Variants in TLL1 observed in about 807,000 individuals in gnomAD.
TLL1 encodes the protein tolloid like 1, also known as tolloid-like protein 1.
A neutral mutation model predicts 128.2 loss-of-function variants in TLL1; 49 were observed. That is an observed-to-expected ratio of 0.38 (90% CI 0.30 to 0.48). The LOEUF (loss-of-function observed/expected upper bound fraction) is 0.48, where lower values mean the gene tolerates loss of function less well. Ranked by LOEUF, TLL1 falls within the 20% of genes least tolerant of loss-of-function variation. The probability of loss-of-function intolerance (pLI) is 0.96; values close to 1 mark genes in which losing one functional copy is unlikely to be tolerated. For synonymous variants in TLL1, 454 were observed against 418.8 expected, an observed-to-expected ratio of 1.08 and a Z score of -1.03; for missense variants, 1,123 against 1,242.0, an observed-to-expected ratio of 0.90 and a Z score of 1.44.
chr4:166,033,396 C>A (rs1213928465), intron 9 of TLL1, among the ~76,000 whole-genome samples: 1 of 152,042 alleles, frequency 6.6e-6, no homozygotes, highest in African/African-American at 2.4e-5. Flanking sequence ...AAATTATGTA[C>A]ATTAGAGACA....
chr4:165,924,855 A>G (rs1391140125), intron 1 of TLL1, among the ~76,000 whole-genome samples: 1 of 152,160 alleles, frequency 6.6e-6, no homozygotes, highest in East Asian at 1.9e-4. Context: ...ACGCTTATTT[A>G]CCATTCTGAA....
At chr4:166,087,253 C>T (rs2111153104) in intron 18 of TLL1, among the ~76,000 whole-genome samples, 1 of 152,166 alleles carries the variant, frequency 6.6e-6, no homozygotes, top group Admixed American at 6.5e-5. Context: ...TGCTATATAA[C>T]ATACAGTTAC....
At chr4:165,973,113 A>C (rs1735703316) in intron 1 of TLL1, among the ~76,000 whole-genome samples, 1 of 152,084 alleles carries the variant, frequency 6.6e-6, no homozygotes, top group Admixed American at 6.6e-5. Flanking sequence ...ATATATGTAT[A>C]TATGAAAGGG....
rs139965895 is a variant in TLL1 at position 165,959,906 on chromosome 4, A to G, written c.170-29475A>G. Among the ~76,000 whole-genome samples the G allele has an allele frequency of 8.7e-3, 1,324 of 152,262 alleles. 12 individuals carry two copies. Among genetic ancestry groups the G allele is most frequent in the Middle Eastern group, 0.021 (6 of 292 alleles). ...AAGAAATTAGAAATATCTCAAATTA[A>G]TGATCAAATATCACACCAAAGGAAC... On this transcript the variant is annotated intron_variant, in intron 1 of 20. Transcript: ENST00000061240.
In TLL1 at chr4:165,902,572, C is replaced by T. The variant is rs942496015; in HGVS notation, c.169+28499C>T. On this transcript the variant is annotated intron_variant, in intron 1 of 20. Transcript: ENST00000061240. ...TCCTTCTGCTTCCTGGGTGAGGCGA[C>T]GCCCCACCCTGCTTTGGCTTGCCTT... 1.2e-4 allele frequency among the ~76,000 whole-genome samples: 19 copies of T among 152,238 alleles called. 2 individuals are homozygous for T. The highest frequency in any genetic ancestry group is 5.8e-4 in the East Asian group (3 of 5,160).
chr4:165,982,505 A>T (rs1366570287), intron 1 of TLL1, among the ~76,000 whole-genome samples: 1 of 151,840 alleles, frequency 6.6e-6, no homozygotes, highest in Non-Finnish European at 1.5e-5. Context: ...ATGTTGTTTT[A>T]TGGCTGTGCA....
rs1741759564 is a variant in TLL1, at chr4:166,091,190, T to C, written c.2505T>C (p.Phe835=). 6.2e-7 allele frequency: 1 copy of C among 1,613,254 alleles called. No individual in the cohort carries two copies. The highest frequency in any genetic ancestry group is 1.3e-5 in the African/African-American group (1 of 74,996). Residue 835 remains phenylalanine (F), a synonymous_variant, in exon 19 of 21, where the codon TTT becomes TTC. Transcript: ENST00000061240. The stretch of plus-strand genomic sequence containing the variant: ...GTGCTTATGACCACTTAGAAGTATT[T>C]GATGGAGAAACAGAAAAGTCACCGA... The part of the protein sequence containing the change: ...QECAYDHLEV[F]DGETEKSPIL...
Position 166,101,493 on chromosome 4 carries a change from A to G in TLL1, c.*617A>G, listed in dbSNP as rs1201807868. 1 of 153,834 alleles carries G rather than the reference A, an allele frequency of 6.5e-6. No homozygotes were observed. Among genetic ancestry groups the G allele is most frequent in the Non-Finnish European group, 1.4e-5 (1 of 69,278 alleles). The allele number at this position is 153,834 out of a possible 1,614,324, so 9.5% of individuals were successfully genotyped here. On this transcript the variant is annotated 3_prime_UTR_variant, in exon 21 of 21. Transcript: ENST00000061240. The stretch of plus-strand genomic sequence containing the variant: ...CCTCTGAAACACAAATGATCTTGAG[A>G]CCACTTTAGTGTACTTACATTTAGA...
intron 19 of TLL1, among the ~76,000 whole-genome samples, chr4:166,097,433 G>A (rs1471740459): frequency 1.3e-5 from 2 of 152,078 alleles, no homozygotes; most frequent in African/African-American, 2.4e-5. Context: ...GGAAGATGGA[G>A]GGACATTTAC....
chr4:166,074,425 T>C (rs1740928175), intron 16 of TLL1, among the ~76,000 whole-genome samples: 1 of 151,920 alleles, frequency 6.6e-6, no homozygotes, highest in Non-Finnish European at 1.5e-5. Context: ...CTTGGAACCT[T>C]GTTTAGCCTC....
intron 2 of TLL1, among the ~76,000 whole-genome samples, chr4:165,989,828 A>C (rs1368007741): frequency 6.6e-6 from 1 of 151,840 alleles, no homozygotes; most frequent in Non-Finnish European, 1.5e-5. Flanking sequence ...TTAGAAGGCT[A>C]TACAGCTTTC....
chr4:166,031,018 T>C lies in TLL1; in HGVS notation c.1158+5587T>C, dbSNP rs897817512. 7 of 924,922 alleles carry C rather than the reference T, an allele frequency of 7.6e-6. No homozygotes were observed. The African/African-American group carries it at 1.3e-4, about 17-fold the overall frequency. The allele number at this position is 924,922 out of a possible 1,614,324, so 57.3% of individuals were successfully genotyped here. A position where few individuals can be genotyped will look rare whatever the true frequency, so the allele number is the denominator to read the frequency against. On this transcript the variant is annotated intron_variant, in intron 9 of 20. Transcript: ENST00000061240. ...GCACATTAAAGTTATCAAAAGTGAT[T>C]TAACAAGCACTAAAAATTTAATAAG... is the stretch of plus-strand genomic sequence containing the variant.
chr4:166,099,743 C>T (rs1270784955), intron 20 of TLL1, among the ~76,000 whole-genome samples: 1 of 151,804 alleles, frequency 6.6e-6, no homozygotes, highest in African/African-American at 2.4e-5. Flanking sequence ...TCAGGTGAAA[C>T]CGATGAAATC....
At position 165,994,795 on chromosome 4, in the gene TLL1, CTT is replaced by C. The variant is rs569924951; in HGVS notation, c.514+264_515-263del. ...GCCTATTAAATTTGGAAGCTGATCTCTTTCAACTGACAGGAAGAATGTATGCC... is the reference window on the plus strand; with the variant it reads ...GCCTATTAAATTTGGAAGCTGATCTCTCAACTGACAGGAAGAATGTATGCC... On this transcript the variant is annotated intron_variant, in intron 4 of 20. Transcript: ENST00000061240. Among the ~76,000 whole-genome samples, 281 of 152,268 alleles carry C rather than the reference CTT, an allele frequency of 1.8e-3. 1 individual carries two copies. Among genetic ancestry groups the C allele is most frequent in the South Asian group, 0.01 (50 of 4,826 alleles).
chr4:166,059,353 G>T (rs1393241482), intron 14 of TLL1, among the ~76,000 whole-genome samples: 1 of 151,944 alleles, frequency 6.6e-6, no homozygotes, highest in Non-Finnish European at 1.5e-5. Flanking sequence ...CCATGATTTT[G>T]CTAATTTCAC....
At chr4:166,008,351 G>T (rs1466919446) in intron 7 of TLL1, among the ~76,000 whole-genome samples, 2 of 151,378 alleles carry the variant, frequency 1.3e-5, no homozygotes, top group African/African-American at 4.8e-5. Context: ...TGAATTAAAA[G>T]CATTACCAAA....
chr4:166,065,782 T>A lies in TLL1; in HGVS notation c.2107T>A (p.Ser703Thr), dbSNP rs1424754856. The A allele has an allele frequency of 6.2e-6, 10 of 1,612,988 alleles. No individual in the cohort carries two copies. In the African/African-American group the frequency reaches 1.1e-4, roughly 17 times the overall value. Residue 703 changes from serine (S) to threonine (T), a missense_variant, in exon 16 of 21, where the codon TCC becomes ACC. Coordinates refer to ENST00000061240, the MANE Select transcript of TLL1 (RefSeq NM_012464.5). ...CGAEVPEVITSQFNNMRIEFK... is the reference protein window; with the variant it reads ...CGAEVPEVITTQFNNMRIEFK... Reference sequence around the variant, plus strand: ...CGCTGAAGTGCCTGAAGTGATCACATCCCAGTTCAACAATATGAGAATTGA... The same window carrying A: ...CGCTGAAGTGCCTGAAGTGATCACAACCCAGTTCAACAATATGAGAATTGA...
rs550601724 is a variant in TLL1 at position 166,026,586 on chromosome 4, A to G, written c.1158+1155A>G. 1.2e-4 allele frequency among the ~76,000 whole-genome samples: 18 copies of G among 152,166 alleles called. No individual in the cohort carries two copies. In the South Asian group the frequency reaches 3.7e-3, roughly 32 times the overall value. ...CCTGTAATCCCAGCTTCTCGAGAGG[A>G]TGAGGCAGGATAATTGCTTGAACCT... is the stretch of plus-strand genomic sequence containing the variant. On this transcript the variant is annotated intron_variant, in intron 9 of 20. Transcript: ENST00000061240.
At chr4:165,917,449 A>G (rs1732835230) in intron 1 of TLL1, among the ~76,000 whole-genome samples, 1 of 152,142 alleles carries the variant, frequency 6.6e-6, no homozygotes, top group Non-Finnish European at 1.5e-5. Flanking sequence ...TGGGAATAAT[A>G]CTAGTATCCT....
Sources: allele counts gnomAD v4.1 joint callset (sites outside exome capture counted in the v4.1 genomes callset), GRCh38; gene constraint gnomAD v4.1.1; transcripts MANE v1.5; gene names NCBI Gene and HGNC (gene_info 2026-07-23, HGNC 2026-07-21).